PALLD: variants seen among roughly 807,000 people sequenced by gnomAD.
The protein encoded by PALLD is palladin.
PALLD carries 61 observed loss-of-function variants against 123.5 expected under a neutral mutation model. That is an observed-to-expected ratio of 0.49 (90% CI 0.40 to 0.61). PALLD has a LOEUF of 0.61. PALLD is among the 20% of genes least tolerant of loss of function. The probability of loss-of-function intolerance (pLI) is 0.00; values close to 1 mark genes in which losing one functional copy is unlikely to be tolerated. For synonymous variants in PALLD, 465 were observed against 496.4 expected (o/e 0.94, Z 0.84); for missense variants, 1,273 against 1,377.0 (o/e 0.92, Z 1.20).
chr4:168,741,401 C>T (rs1293403911), intron 10 of PALLD, among the ~76,000 whole-genome samples: 4 of 151,900 alleles, frequency 2.6e-5, no homozygotes, highest in South Asian at 4.2e-4. Context: ...CAAGGCTGGG[C>T]GTGGTGGCTC....
At chr4:168,825,722 A>T (rs781529296) in intron 10 of PALLD, among the ~76,000 whole-genome samples, 1 of 146,462 alleles carries the variant, frequency 6.8e-6, no homozygotes, top group Non-Finnish European at 1.5e-5. Flanking sequence ...TCCATTGCTG[A>T]GAGAGTTTTA....
chr4:168,512,494 G>A, intron 2 of PALLD, 82 bp downstream of exon 2: 2 of 1,281,112 alleles, frequency 1.6e-6, no homozygotes, highest in East Asian at 2.5e-5. Flanking sequence ...AAGATTTCCT[G>A]TGTCATTAGC....
At chr4:168,765,321 A>G (rs1581360520) in intron 10 of PALLD, among the ~76,000 whole-genome samples, 1 of 152,208 alleles carries the variant, frequency 6.6e-6, no homozygotes, top group East Asian at 1.9e-4. Context: ...AATAATGAGT[A>G]GCCATCTTGA....
At chr4:168,855,843 A>G (rs13128866) in intron 10 of PALLD, among the ~76,000 whole-genome samples, 13,531 of 152,316 alleles carry the variant, frequency 0.089, 694 homozygotes, top group South Asian at 0.18. Context: ...GGGAAGTGCT[A>G]TCATGACCCC....
In PALLD at chr4:168,801,309, C is replaced by T. The variant is rs145766051; in HGVS notation, c.1964+89386C>T. Among the ~76,000 whole-genome samples, 976 of 152,298 alleles carry T rather than the reference C, an allele frequency of 6.4e-3. 33 individuals are homozygous for T. Among genetic ancestry groups the T allele is most frequent in the Admixed American group, 0.051 (775 of 15,298 alleles). On this transcript the variant is annotated intron_variant, in intron 10 of 21. Coordinates refer to ENST00000505667, the MANE Select transcript of PALLD (RefSeq NM_001166108.2). The stretch of plus-strand genomic sequence containing the variant: ...TGTTTGTTTGTCTGAGATGGAGTCT[C>T]ACTCTCTTGCCCAGGCTGGAGTGCA...
At chr4:168,833,285 C>A (rs1183783026) in intron 10 of PALLD, among the ~76,000 whole-genome samples, 1 of 150,654 alleles carries the variant, frequency 6.6e-6, no homozygotes, top group Non-Finnish European at 1.5e-5. Flanking sequence ...TGGGCTCGGG[C>A]ATCTTCCCAC....
chr4:168,907,580 C>G (rs1455342850), intron 15 of PALLD, among the ~76,000 whole-genome samples: 1 of 152,168 alleles, frequency 6.6e-6, no homozygotes, highest in East Asian at 1.9e-4. Context: ...GGAAGCTGCT[C>G]TCTACTCTCA....
intron 10 of PALLD, among the ~76,000 whole-genome samples, chr4:168,725,589 C>T (rs565504408): frequency 1.6e-4 from 20 of 125,902 alleles, no homozygotes; most frequent in Non-Finnish European, 2.5e-4. Context: ...TGCAGTGGTG[C>T]GATCTCTGCT....
intron 10 of PALLD, among the ~76,000 whole-genome samples, chr4:168,835,164 TCAA>T (rs1380552209): frequency 2.0e-5 from 3 of 152,228 alleles, no homozygotes; most frequent in Non-Finnish European, 2.9e-5. Flanking sequence ...ATTTTCCACT[TCAA>T]CAATTTTGTA....
intron 10 of PALLD, among the ~76,000 whole-genome samples, chr4:168,811,757 TTCTCTC>T (rs1225193326): frequency 1.0e-3 from 132 of 130,306 alleles, no homozygotes; most frequent in African/African-American, 3.6e-3. Context: ...CTCTCTCTCT[TTCTCTC>T]TCTCTCTCTC....
chr4:168,625,053 G>A (rs1237663717), intron 2 of PALLD, among the ~76,000 whole-genome samples: 1 of 151,986 alleles, frequency 6.6e-6, no homozygotes, highest in African/African-American at 2.4e-5. Flanking sequence ...TGTTTACTCT[G>A]AAGTTTATAT....
chr4:168,755,235 A>G (rs142784752), intron 10 of PALLD, among the ~76,000 whole-genome samples: 48,366 of 141,254 alleles, frequency 0.34, 8,203 homozygotes, highest in Non-Finnish European at 0.39. Context: ...TCCGTCTCAA[A>G]AAAAAAAAAA....
Position 168,559,285 on chromosome 4 carries a change from G to C in PALLD, c.908+46873G>C, listed in dbSNP as rs111730283. On this transcript the variant is annotated intron_variant, in intron 2 of 21. Coordinates refer to ENST00000505667, the MANE Select transcript of PALLD (RefSeq NM_001166108.2). ...TAGTTTAACAAGTTAGCCAGCCAAC[G>C]CCACAGCAAGACTATACACAAATAG... Among the ~76,000 whole-genome samples the C allele has an allele frequency of 2.7e-4, 41 of 152,228 alleles. 1 individual carries two copies. Among genetic ancestry groups the C allele is most frequent in the African/African-American group, 9.9e-4 (41 of 41,536 alleles).
chr4:168,909,291 C>CA (rs1354180761), intron 15 of PALLD, among the ~76,000 whole-genome samples: 3 of 152,116 alleles, frequency 2.0e-5, no homozygotes, highest in Non-Finnish European at 4.4e-5. Context: ...ATTATGTATA[C>CA]AAGTGGCAAG....
chr4:168,497,521 G>T (rs77217354), intron 1 of PALLD, among the ~76,000 whole-genome samples: 1 of 152,028 alleles, frequency 6.6e-6, no homozygotes, highest in Non-Finnish European at 1.5e-5. Flanking sequence ...TGTCAAGATC[G>T]TGTATGTGTT....
chr4:168,811,968 T>G (rs1302472645), intron 10 of PALLD, among the ~76,000 whole-genome samples: 1 of 151,848 alleles, frequency 6.6e-6, no homozygotes, highest in Non-Finnish European at 1.5e-5. Context: ...GTCTGTTGAG[T>G]GAGATAAGAA....
At chr4:168,561,534 C>T (rs567426528) in intron 2 of PALLD, among the ~76,000 whole-genome samples, 1 of 152,314 alleles carries the variant, frequency 6.6e-6, no homozygotes, top group South Asian at 2.1e-4. Flanking sequence ...CTTGGCCTCC[C>T]AAAGCTCTGG....
At chr4:168,828,838 C>T (rs1743787444) in intron 10 of PALLD, 1 of 152,278 alleles carries the variant, frequency 6.6e-6, no homozygotes, top group Non-Finnish European at 1.5e-5. Flanking sequence ...CAGATACAGC[C>T]AGCGAAGCTG....
chr4:168,795,821 C>A (rs1224413539), intron 10 of PALLD, among the ~76,000 whole-genome samples: 1 of 151,910 alleles, frequency 6.6e-6, no homozygotes, highest in East Asian at 1.9e-4. Flanking sequence ...GAATTCTCCC[C>A]CCTCAAACTC....
Sources: gnomAD v4.1 joint callset for allele counts (sites outside exome capture counted in the v4.1 genomes callset) on GRCh38, gnomAD v4.1.1 for gene constraint, MANE v1.5 for transcripts, NCBI Gene and HGNC (gene_info 2026-07-23, HGNC 2026-07-21) for gene names.